AUTS2: variants seen among roughly 807,000 people sequenced by gnomAD.
AUTS2 encodes autism susceptibility gene 2 protein.
AUTS2 carries 17 observed loss-of-function variants against 112.4 expected under a neutral mutation model. The ratio of observed to expected loss-of-function variants is 0.15; its 90% CI spans 0.10 to 0.23. AUTS2 has a LOEUF of 0.23. Ranked by LOEUF, AUTS2 falls within the 10% of genes least tolerant of loss-of-function variation. The pLI, the probability that AUTS2 is intolerant of heterozygous loss-of-function variation, is 1.00. For missense variants in AUTS2, 1,510 were observed against 1,701.6 expected, an observed-to-expected ratio of 0.89 and a Z score of 1.98; for synonymous variants, 751 against 702.7, an observed-to-expected ratio of 1.07 and a Z score of -1.09.
chr7:70,395,129 C>T (rs1267847279), intron 4 of AUTS2, among the ~76,000 whole-genome samples: 1 of 151,616 alleles, frequency 6.6e-6, no homozygotes, highest in Non-Finnish European at 1.5e-5. Flanking sequence ...GAAGGTGGGG[C>T]AAGGACTGAG....
chr7:69,930,190 A>G (rs1358296833), intron 2 of AUTS2, among the ~76,000 whole-genome samples: 1 of 152,126 alleles, frequency 6.6e-6, no homozygotes, highest in African/African-American at 2.4e-5. Context: ...GTCCCAAGAA[A>G]TGTTCTCTAT....
At chr7:69,738,976 G>A (rs1787153106) in intron 1 of AUTS2, among the ~76,000 whole-genome samples, 1 of 152,046 alleles carries the variant, frequency 6.6e-6, no homozygotes, top group Non-Finnish European at 1.5e-5. Context: ...GTTCGGTGGT[G>A]TCCCTGGGTG....
intron 1 of AUTS2, among the ~76,000 whole-genome samples, chr7:69,744,585 C>A (rs948827833): frequency 2.0e-4 from 31 of 151,572 alleles, no homozygotes; most frequent in Admixed American, 2.0e-4. Flanking sequence ...GTAATCTTAG[C>A]ACTTTGGGAG....
chr7:69,684,479 A>G (rs1312263089), intron 1 of AUTS2, among the ~76,000 whole-genome samples: 1 of 152,172 alleles, frequency 6.6e-6, no homozygotes. Flanking sequence ...AATTAGAAAA[A>G]TAATCATTTG....
At chr7:70,724,467 A>G (rs960968991) in intron 6 of AUTS2, among the ~76,000 whole-genome samples, 3 of 79,082 alleles carry the variant, frequency 3.8e-5, no homozygotes, top group African/African-American at 1.2e-4. Context: ...TTTTTTTGAG[A>G]CAGAGTCTCG....
chr7:70,089,634 A>G (rs1357017656), intron 2 of AUTS2, among the ~76,000 whole-genome samples: 1 of 151,992 alleles, frequency 6.6e-6, no homozygotes, highest in Non-Finnish European at 1.5e-5. Context: ...TTATGTTTAT[A>G]TATTTTATCT....
At chr7:70,206,219 C>T (rs1278483545) in intron 4 of AUTS2, among the ~76,000 whole-genome samples, 1 of 152,070 alleles carries the variant, frequency 6.6e-6, no homozygotes, top group African/African-American at 2.4e-5. Flanking sequence ...AATAAGAGTT[C>T]CTAAAAACAT....
intron 4 of AUTS2, among the ~76,000 whole-genome samples, chr7:70,213,912 GA>G (rs1359048532): frequency 1.3e-5 from 2 of 152,178 alleles, no homozygotes; most frequent in Non-Finnish European, 2.9e-5. Context: ...GTTATCATAA[GA>G]AAACAGTGAG....
At chr7:70,486,897 T>TC (rs35760947) in intron 5 of AUTS2, among the ~76,000 whole-genome samples, 67,981 of 100,214 alleles carry the variant, frequency 0.68, 21,770 homozygotes, top group Non-Finnish European at 0.74. Context: ...GTTTTTGTAT[T>TC]CCCCCCCCCC....
intron 6 of AUTS2, among the ~76,000 whole-genome samples, chr7:70,721,889 A>C (rs978098387): frequency 1.3e-5 from 2 of 152,188 alleles, no homozygotes; most frequent in African/African-American, 4.8e-5. Flanking sequence ...ATGCTTCAGT[A>C]TTCATCTGCT....
chr7:69,607,362 T>C (rs1312390016), intron 1 of AUTS2, among the ~76,000 whole-genome samples: 1 of 152,212 alleles, frequency 6.6e-6, no homozygotes, highest in Non-Finnish European at 1.5e-5. Context: ...TCTTTCTCTC[T>C]CTTCCTTTAC....
chr7:69,952,341 A>G (rs1797059360), intron 2 of AUTS2, among the ~76,000 whole-genome samples: 1 of 152,202 alleles, frequency 6.6e-6, no homozygotes, highest in Admixed American at 6.5e-5. Context: ...TTCCAAATGC[A>G]GATAGTTCAT....
Position 70,790,713 on chromosome 7 carries a change from G to T in AUTS2, c.3497G>T (p.Arg1166Leu), listed in dbSNP as rs376868075. ...CTCAGAGAAGACTACGAGCACACGC[G>T]GCTCCACTCCGTGCACCCCGCCTCC... ...HMLREDYEHT[R>L]LHSVHPASLD... Residue 1166 changes from arginine (R) to leucine (L), a missense_variant, in exon 19 of 19, where the codon CGG (arginine) becomes CTG (leucine). This residue lies in a region of AUTS2 where 788 missense variants were observed against 797.6 expected (regional missense o/e 0.99). Transcript: ENST00000342771. The surrounding 1 kb of genome is among the most constrained non-coding windows in gnomAD (Gnocchi z 7.6). The T allele has an allele frequency of 6.2e-7, 1 of 1,613,420 alleles. No individual in the cohort carries two copies. Among genetic ancestry groups the T allele is most frequent in the South Asian group, 1.1e-5 (1 of 91,082 alleles).
Position 70,791,685 on chromosome 7 carries a change from A to G in AUTS2, c.*689A>G, listed in dbSNP as rs1355546656. On this transcript the variant is annotated 3_prime_UTR_variant, in exon 19 of 19. Coordinates refer to ENST00000342771, the MANE Select transcript of AUTS2 (RefSeq NM_015570.4). ...CCATTTACAGCATACTTAAGGTCAT[A>G]TTTTCCCTGAACAAGCGCTTACGTG... 1 of 152,464 alleles carries G rather than the reference A, an allele frequency of 6.6e-6. No individual in the cohort carries two copies. The highest frequency in any genetic ancestry group is 1.5e-5 in the Non-Finnish European group (1 of 68,016). The allele number at this position is 152,464 out of a possible 1,614,324, so 9.4% of individuals were successfully genotyped here.
intron 10 of AUTS2, among the ~76,000 whole-genome samples, chr7:70,769,334 G>A (rs1790172207): frequency 6.6e-6 from 1 of 152,180 alleles, no homozygotes; most frequent in African/African-American, 2.4e-5. Context: ...CTGGCCCATG[G>A]ATGCCACCAT....
chr7:69,987,182 T>G (rs1019070968), intron 2 of AUTS2, among the ~76,000 whole-genome samples: 5 of 152,236 alleles, frequency 3.3e-5, no homozygotes, highest in African/African-American at 9.6e-5. Flanking sequence ...CTACTATAAT[T>G]TAATTCACTT....
At chr7:69,919,152 G>A (rs1452058261) in intron 2 of AUTS2, among the ~76,000 whole-genome samples, 1 of 152,114 alleles carries the variant, frequency 6.6e-6, no homozygotes, top group Non-Finnish European at 1.5e-5. Flanking sequence ...TTCAGAGGGG[G>A]AAACAATGGA....
chr7:69,868,428 G>T (rs1793333606), intron 1 of AUTS2, among the ~76,000 whole-genome samples: 1 of 152,138 alleles, frequency 6.6e-6, no homozygotes, highest in African/African-American at 2.4e-5. Context: ...CTGGCATAAA[G>T]ATTCTTAACA....
At chr7:69,660,524 A>T (rs989756034) in intron 1 of AUTS2, among the ~76,000 whole-genome samples, 2 of 152,204 alleles carry the variant, frequency 1.3e-5, no homozygotes, top group Non-Finnish European at 2.9e-5. Flanking sequence ...CTGTTGGCAA[A>T]TTTAAAACTT....
Sources: gnomAD v4.1 joint callset for allele counts (sites outside exome capture counted in the v4.1 genomes callset) on GRCh38, gnomAD v4.1.1 for gene constraint, gnomAD v4.1.1 regional missense constraint, Gnocchi (gnomAD v3.1) non-coding constraint, MANE v1.5 for transcripts, NCBI Gene and HGNC (gene_info 2026-07-23, HGNC 2026-07-21) for gene names.